SLC25A29: variants seen among roughly 807,000 people sequenced by gnomAD.
SLC25A29 encodes mitochondrial basic amino acids transporter.
A neutral mutation model predicts 10.0 loss-of-function variants in SLC25A29; 13 were observed. The observed-to-expected ratio is 1.30, with a 90% CI of 0.85 to 2.07. The LOEUF is 2.07. Ranked by LOEUF, SLC25A29 falls within the 30% of genes most tolerant of loss-of-function variation. The pLI is 0.00. For missense variants in SLC25A29, 475 were observed against 447.6 expected (o/e 1.06, Z -0.55); for synonymous variants, 244 against 221.1 (o/e 1.10, Z -0.92).
downstream of SLC25A29, among the ~76,000 whole-genome samples, chr14:100,289,779 T>C (rs1028796771): frequency 5.5e-5 from 8 of 146,514 alleles, no homozygotes; most frequent in African/African-American, 1.8e-4. Flanking sequence ...GAGGTAGAGG[T>C]TGCAGTGAGC....
rs567414578 is a variant in SLC25A29, at chr14:100,291,853, G to A, written c.*430C>T. ...GTGGCCCACCACCCCCCCGGGTGGA[G>A]GATGTGTGGAGTTAGAGGTCCCTGG... On this transcript the variant is annotated 3_prime_UTR_variant, in exon 4 of 4. Coordinates refer to ENST00000359232, the MANE Select transcript of SLC25A29 (RefSeq NM_001039355.3). The A allele has an allele frequency of 1.6e-5, 4 of 247,490 alleles. No individual in the cohort carries two copies. Among genetic ancestry groups the A allele is most frequent in the African/African-American group, 2.4e-5 (1 of 42,154 alleles). The allele number at this position is 247,490 out of a possible 1,614,324, so 15.3% of individuals were successfully genotyped here.
intron 2 of SLC25A29, chr14:100,296,080 T>C (rs1030452685): frequency 3.7e-5 from 45 of 1,218,074 alleles, no homozygotes; most frequent in Non-Finnish European, 3.9e-5. Flanking sequence ...GGGTGGCCCC[T>C]GATGATCCTA....
Position 100,292,210 on chromosome 14 carries a change from C to T in SLC25A29, c.*73G>A, listed in dbSNP as rs955393528. 8 of 1,507,370 alleles carry T rather than the reference C, an allele frequency of 5.3e-6. No homozygotes were observed. The highest frequency in any genetic ancestry group is 7.1e-6 in the Non-Finnish European group (8 of 1,124,252). The allele number at this position is 1,507,370 out of a possible 1,614,324, so 93.4% of individuals were successfully genotyped here. ...CGCAGCATCCCAGCAGGAAGCAGGG[C>T]AATCGACTCAGGGGCCAATTTATGT... On this transcript the variant is annotated 3_prime_UTR_variant, in exon 4 of 4. Transcript: ENST00000359232.
rs1448555819 is a variant in SLC25A29 at position 100,292,282 on chromosome 14, G to A, written c.*1C>T. 5.2e-6 allele frequency: 8 copies of A among 1,533,514 alleles called. 1 individual carries two copies. The highest frequency in any genetic ancestry group is 5.0e-5 in the East Asian group (2 of 40,180). The allele number at this position is 1,533,514 out of a possible 1,614,324, so 95.0% of individuals were successfully genotyped here. A position where few individuals can be genotyped will look rare whatever the true frequency, so the allele number is the denominator to read the frequency against. On this transcript the variant is annotated 3_prime_UTR_variant, in exon 4 of 4. Coordinates refer to ENST00000359232, the MANE Select transcript of SLC25A29 (RefSeq NM_001039355.3). ...CCTGGGGAAGGAGGGCGGGGTGAGC[G>A]TCACAGGCTGGAGGGCTGCGCCAGG... is the stretch of plus-strand genomic sequence containing the variant.
chr14:100,283,837 A>G, the SLC25A29 span, among the ~76,000 whole-genome samples: 1 of 151,910 alleles, frequency 6.6e-6, no homozygotes, highest in Non-Finnish European at 1.5e-5. Flanking sequence ...TCTCTCCTTT[A>G]TACTTGCCGG....
At chr14:100,293,102 G>A (rs1248019927) in intron 3 of SLC25A29, 70 bp from the exon 4 acceptor site, 24 of 1,465,096 alleles carry the variant, frequency 1.6e-5, no homozygotes, top group East Asian at 7.4e-5. Flanking sequence ...GAAGGGGGTC[G>A]GGGGATGGCA....
chr14:100,296,563 T>A (rs1892163020), intron 2 of SLC25A29: 2 of 157,936 alleles, frequency 1.3e-5, no homozygotes, highest in Non-Finnish European at 2.8e-5. Context: ...CGCATGTGTT[T>A]TGCGACGACT....
intron 2 of SLC25A29, chr14:100,294,356 C>T (rs932493816): frequency 2.0e-5 from 3 of 152,246 alleles, no homozygotes; most frequent in African/African-American, 7.2e-5. Context: ...TGCCTATGAG[C>T]TTATCTTTGC....
At chr14:100,285,974 C>T in the SLC25A29 span, among the ~76,000 whole-genome samples, 1 of 152,130 alleles carries the variant, frequency 6.6e-6, no homozygotes, top group Non-Finnish European at 1.5e-5. Context: ...TTTCCTCTCC[C>T]CACGGAGAGC....
At chr14:100,304,954 G>A (rs996775526) in intron 1 of SLC25A29, 6 of 152,254 alleles carry the variant, frequency 3.9e-5, no homozygotes, top group African/African-American at 1.4e-4. Context: ...CTGATAGTGG[G>A]TGGGGAGCAA....
the SLC25A29 span, among the ~76,000 whole-genome samples, chr14:100,284,484 TC>T: frequency 1.1e-4 from 16 of 152,042 alleles, no homozygotes; most frequent in Admixed American, 2.0e-4. Flanking sequence ...GTTCCCTACT[TC>T]CTACCGAAAA....
intron 2 of SLC25A29, chr14:100,294,310 G>A (rs977249724): frequency 1.3e-5 from 2 of 152,206 alleles, no homozygotes; most frequent in African/African-American, 4.8e-5. Flanking sequence ...CGAGCCCAGT[G>A]GCCCAGAACC....
chr14:100,296,939 A>G (rs140738942), intron 2 of SLC25A29, among the ~76,000 whole-genome samples: 2 of 152,136 alleles, frequency 1.3e-5, no homozygotes, highest in Non-Finnish European at 2.9e-5. Flanking sequence ...TCAACTAAAA[A>G]CAAACAGTAG....
downstream of SLC25A29, among the ~76,000 whole-genome samples, chr14:100,286,621 C>T (rs918441468): frequency 6.6e-6 from 1 of 152,234 alleles, no homozygotes; most frequent in African/African-American, 2.4e-5. Flanking sequence ...CCTATCTCTG[C>T]TGTGCCCTGA....
At chr14:100,302,958 G>A (rs1892663168) in intron 1 of SLC25A29, among the ~76,000 whole-genome samples, 1 of 152,064 alleles carries the variant, frequency 6.6e-6, no homozygotes, top group African/African-American at 2.4e-5. Flanking sequence ...CTTCTGATCA[G>A]GGAAAATTTC....
chr14:100,281,061 CA>C, the SLC25A29 span: 2 of 100,898 alleles, frequency 2.0e-5, no homozygotes, highest in African/African-American at 9.7e-5. Flanking sequence ...CTCCGTCTCC[CA>C]AAAAAAAAAA....
intron 2 of SLC25A29, among the ~76,000 whole-genome samples, chr14:100,296,890 C>T (rs2035139506): frequency 6.6e-6 from 1 of 151,930 alleles, no homozygotes; most frequent in Non-Finnish European, 1.5e-5. Context: ...GAGCCACTAG[C>T]CTGGCCAGGA....
intron 2 of SLC25A29, among the ~76,000 whole-genome samples, chr14:100,296,800 G>A (rs551945129): frequency 1.8e-3 from 268 of 152,146 alleles, no homozygotes; most frequent in Middle Eastern, 6.8e-3. Context: ...GAGTTTCACC[G>A]TGTTAGCCAG....
chr14:100,279,087 G>C, the SLC25A29 span: 1 of 152,172 alleles, frequency 6.6e-6, no homozygotes, highest in African/African-American at 2.4e-5. Context: ...AGAAAATTCT[G>C]CTCAATGAGT....
Sources: gnomAD v4.1 joint callset for allele counts (sites outside exome capture counted in the v4.1 genomes callset) on GRCh38, gnomAD v4.1.1 for gene constraint, MANE v1.5 for transcripts, NCBI Gene and HGNC (gene_info 2026-07-23, HGNC 2026-07-21) for gene names.